The following SOD1 variants were observed in gnomAD, a reference collection of about 807,000 sequenced individuals.
The protein encoded by SOD1 is superoxide dismutase 1.
A neutral mutation model predicts 15.9 loss-of-function variants in SOD1; 8 were observed. The ratio of observed to expected loss-of-function variants is 0.50; its 90% CI spans 0.30 to 0.91. The LOEUF (loss-of-function observed/expected upper bound fraction) is 0.91, where lower values mean the gene tolerates loss of function less well. SOD1 is among the 40% of genes least tolerant of loss of function. The pLI is 0.07. For missense variants in SOD1, 137 were observed against 194.5 expected (o/e 0.70, Z 1.76); for synonymous variants, 86 against 71.2 (o/e 1.21, Z -1.04).
In SOD1 at chr21:31,659,752, G is replaced by A. The variant is rs1440732322; in HGVS notation, c.-18G>A. On this transcript the variant is annotated 5_prime_UTR_variant, in exon 1 of 5. Transcript: ENST00000270142. ...TTGCAGTCCTCGGAACCAGGACCTCGGCGTGGCCTAGCGAGTTATGGCGAC... is the reference window on the plus strand; with the variant it reads ...TTGCAGTCCTCGGAACCAGGACCTCAGCGTGGCCTAGCGAGTTATGGCGAC... 2 of 1,613,790 alleles carry A rather than the reference G, an allele frequency of 1.2e-6. No individual in the cohort carries two copies. The highest frequency in any genetic ancestry group is 1.7e-6 in the Non-Finnish European group (2 of 1,179,806).
At position 31,666,200 on chromosome 21, in the gene SOD1, C is replaced by T. The variant is rs573779554; in HGVS notation, c.170-249C>T. 6.6e-5 allele frequency among the ~76,000 whole-genome samples: 10 copies of T among 152,182 alleles called. No homozygotes were observed. The East Asian group carries it at 1.2e-3, about 18-fold the overall frequency. The stretch of plus-strand genomic sequence containing the variant: ...TGCTGGCCAGGCTGGTCTCAAACTC[C>T]TGACCTCAGATGATCCAGCCACCTC... On this transcript the variant is annotated intron_variant, in intron 2 of 4. Transcript: ENST00000270142.
chr21:31,659,992 G>C (rs960155187), intron 1 of SOD1, 151 bp downstream of exon 1: 4 of 661,216 alleles, frequency 6.0e-6, no homozygotes, highest in Non-Finnish European at 9.6e-6. Flanking sequence ...CGGTGCCTTC[G>C]CCCCCAGCGG....
rs1244025881 is a variant in SOD1, at chr21:31,666,507, G to A, written c.228G>A (p.Lys76=). 6.2e-7 allele frequency: 1 copy of A among 1,611,112 alleles called. No homozygotes were observed. The highest frequency in any genetic ancestry group is 8.5e-7 in the Non-Finnish European group (1 of 1,177,488). The change falls in exon 3 of 5, where the codon AAG becomes AAA. Residue 76 remains lysine (K), a synonymous_variant. Coordinates refer to ENST00000270142, the MANE Select transcript of SOD1 (RefSeq NM_000454.5). ...TATCCAGAAAACACGGTGGGCCAAA[G>A]GATGAAGAGAGGTAACAAGATGCTT... ...NPLSRKHGGP[K]DEERHVGDLG... is the part of the protein sequence containing the mutation.
Position 31,659,860 on chromosome 21 carries a change from G to A in SOD1, c.72+19G>A, listed in dbSNP as rs201574089. ...GCAGAAGGCAAGGGCTGGGACGGAG[G>A]CTTGTTTGCGAGGCCGCTCCCACCC... On this transcript the variant is annotated intron_variant, in intron 1 of 4. Transcript: ENST00000270142. 6.6e-4 allele frequency: 1,062 copies of A among 1,610,726 alleles called. 3 individuals are homozygous for A. Among genetic ancestry groups the A allele is most frequent in the South Asian group, 1.0e-3 (93 of 91,024 alleles).
intron 1 of SOD1, 52 bp downstream of exon 1, chr21:31,659,893 C>G: frequency 6.4e-7 from 1 of 1,568,144 alleles, no homozygotes; most frequent in Non-Finnish European, 8.7e-7. Context: ...CCCGCTCGTC[C>G]CCCCGCGCAC....
intron 3 of SOD1, 111 bp from the exon 4 acceptor site, chr21:31,667,147 C>A: frequency 1.3e-6 from 1 of 764,830 alleles, no homozygotes; most frequent in Non-Finnish European, 2.3e-6. Flanking sequence ...GAATGCCTAG[C>A]TACTTGTTTG....
intron 1 of SOD1, among the ~76,000 whole-genome samples, chr21:31,662,257 A>G (rs532681839): frequency 2.0e-5 from 3 of 152,342 alleles, no homozygotes; most frequent in Admixed American, 6.5e-5. Context: ...AGTTTTTCCA[A>G]AATTAAAGGT....
chr21:31,668,153 C>T (rs921535811), intron 4 of SOD1, among the ~76,000 whole-genome samples: 11 of 151,890 alleles, frequency 7.2e-5, no homozygotes, highest in African/African-American at 9.7e-5. Context: ...AGAGTGACTG[C>T]GGAACTAAGG....
Position 31,664,926 on chromosome 21 carries a change from G to T in SOD1, c.169+1040G>T, listed in dbSNP as rs564541974. ...CCACCGCACCCAGCCAGAAGAGGGT[G>T]TTTTTTAAAGAAGGCAAATAGGAAA... On this transcript the variant is annotated intron_variant, in intron 2 of 4. Transcript: ENST00000270142. Among the ~76,000 whole-genome samples the T allele has an allele frequency of 2.5e-3, 380 of 152,218 alleles. 1 individual carries two copies. Among genetic ancestry groups the T allele is most frequent in the African/African-American group, 8.9e-3 (369 of 41,530 alleles).
At chr21:31,667,424 C>T in intron 4 of SOD1, 49 bp downstream of exon 4, 1 of 1,235,024 alleles carries the variant, frequency 8.1e-7, no homozygotes, top group Non-Finnish European at 1.2e-6. Context: ...AACATACAGT[C>T]ATGTATCTTT....
At chr21:31,666,914 G>GT in intron 3 of SOD1, 1 of 400,658 alleles carries the variant, frequency 2.5e-6, no homozygotes, top group South Asian at 2.8e-5. Flanking sequence ...ATTTATATGT[G>GT]TATGTTTTCT....
At chr21:31,667,615 C>G (rs1028764768) in intron 4 of SOD1, among the ~76,000 whole-genome samples, 2 of 152,180 alleles carry the variant, frequency 1.3e-5, no homozygotes, top group African/African-American at 4.8e-5. Flanking sequence ...CATATTAGAT[C>G]TGAGTTTGGA....
Position 31,668,533 on chromosome 21 carries a change from C to CG in SOD1, c.421dup (p.Ala141GlyfsTer23). The CG allele has an allele frequency of 6.2e-7, 1 of 1,613,904 alleles. No homozygotes were observed. The highest frequency in any genetic ancestry group is 8.5e-7 in the Non-Finnish European group (1 of 1,179,846). ...ATGAAGAAAGTACAAAGACAGGAAACGCTGGAAGTCGTTTGGCTTGTGGTG... is the reference window on the plus strand; with the variant it reads ...ATGAAGAAAGTACAAAGACAGGAAACGGCTGGAAGTCGTTTGGCTTGTGGTG... On this transcript the variant is annotated frameshift_variant, in exon 5 of 5. Transcript: ENST00000270142. LOFTEE classifies it high-confidence loss of function.
At chr21:31,667,226 C>T in intron 3 of SOD1, 32 bp from the exon 4 acceptor site, 1 of 1,484,198 alleles carries the variant, frequency 6.7e-7, no homozygotes, top group Non-Finnish European at 9.4e-7. Flanking sequence ...GTGGCATCAG[C>T]CCTAATCCAT....
intron 1 of SOD1, 108 bp downstream of exon 1, chr21:31,659,949 T>C: frequency 3.5e-6 from 4 of 1,137,296 alleles, no homozygotes; most frequent in Non-Finnish European, 5.1e-6. Flanking sequence ...GCCGCCCTGG[T>C]CCAGCGCCCG....
intron 1 of SOD1, among the ~76,000 whole-genome samples, chr21:31,663,496 T>A (rs1258752907): frequency 6.6e-6 from 1 of 152,230 alleles, no homozygotes; most frequent in Non-Finnish European, 1.5e-5. Context: ...GTACTCACTT[T>A]GCTTGCCACT....
chr21:31,668,598 C>T lies in SOD1; in HGVS notation c.*20C>T. 3 of 1,533,494 alleles carry T rather than the reference C, an allele frequency of 2.0e-6. No individual in the cohort carries two copies. The highest frequency in any genetic ancestry group is 1.8e-6 in the Non-Finnish European group (2 of 1,106,336). 95.0% of individuals were successfully genotyped at this position (1,533,494 alleles called of 1,614,324 possible). A position where few individuals can be genotyped will look rare whatever the true frequency, so the allele number is the denominator to read the frequency against. ...CAATAAACATTCCCTTGGATGTAGT[C>T]TGAGGCCCCTTAACTCATCTGTTAT... On this transcript the variant is annotated 3_prime_UTR_variant, in exon 5 of 5. Coordinates refer to ENST00000270142, the MANE Select transcript of SOD1 (RefSeq NM_000454.5).
intron 1 of SOD1, 52 bp downstream of exon 1, chr21:31,659,893 C>T (rs528842654): frequency 6.4e-6 from 10 of 1,568,144 alleles, no homozygotes; most frequent in Admixed American, 3.3e-5. Flanking sequence ...CCCGCTCGTC[C>T]CCCCGCGCAC....
chr21:31,664,711 C>T (rs571290210), intron 2 of SOD1, among the ~76,000 whole-genome samples: 33 of 151,996 alleles, frequency 2.2e-4, no homozygotes, highest in South Asian at 6.2e-4. Context: ...CTCCGCCTCC[C>T]GGGTTCATGC....
Sources: allele counts gnomAD v4.1 joint callset (sites outside exome capture counted in the v4.1 genomes callset), GRCh38; gene constraint gnomAD v4.1.1; transcripts MANE v1.5; gene names NCBI Gene and HGNC (gene_info 2026-07-23, HGNC 2026-07-21).